Variants in DAGLA observed in about 807,000 individuals in gnomAD.
The protein encoded by DAGLA is diacylglycerol lipase alpha.
A neutral mutation model predicts 102.6 loss-of-function variants in DAGLA; 22 were observed. The observed-to-expected ratio is 0.21, with a 90% CI of 0.15 to 0.31. The LOEUF is 0.31. Among genes scored for constraint, DAGLA ranks in the 10% least tolerant of loss-of-function variants. The probability of loss-of-function intolerance (pLI) is 1.00; values close to 1 mark genes in which losing one functional copy is unlikely to be tolerated. For synonymous variants in DAGLA, 578 were observed against 628.9 expected, an observed-to-expected ratio of 0.92 and a Z score of 1.21; for missense variants, 927 against 1,446.6, an observed-to-expected ratio of 0.64 and a Z score of 5.83.
chr11:61,695,985 C>G (rs198455), intron 1 of DAGLA, among the ~76,000 whole-genome samples: 2,560 of 152,322 alleles, frequency 0.017, 92 homozygotes, highest in African/African-American at 0.059. Context: ...CGCTGATGTT[C>G]AAGGGTGAGG....
At chr11:61,693,034 G>A (rs1482999284) in intron 1 of DAGLA, among the ~76,000 whole-genome samples, 1 of 149,672 alleles carries the variant, frequency 6.7e-6, no homozygotes, top group East Asian at 1.9e-4. Context: ...TTTTTGGTGA[G>A]ATTGAGTCTC....
intron 1 of DAGLA, among the ~76,000 whole-genome samples, chr11:61,694,264 TG>T (rs2065046675): frequency 6.6e-6 from 1 of 152,258 alleles, no homozygotes; most frequent in East Asian, 1.9e-4. Flanking sequence ...CTTCCTTGCC[TG>T]TTTTTTTCTA....
intron 1 of DAGLA, among the ~76,000 whole-genome samples, chr11:61,691,456 C>T (rs895195491): frequency 4.6e-5 from 7 of 152,216 alleles, no homozygotes; most frequent in African/African-American, 2.4e-5. Context: ...CAGCCCAAAT[C>T]GAGCTCCTGG....
At chr11:61,729,877 A>C (rs2065359853) in intron 8 of DAGLA, among the ~76,000 whole-genome samples, 1 of 151,488 alleles carries the variant, frequency 6.6e-6, no homozygotes, top group Admixed American at 6.6e-5. Flanking sequence ...GTTTGAGACC[A>C]GCCTGGGCAA....
At chr11:61,709,828 C>T (rs1565252506) in intron 1 of DAGLA, among the ~76,000 whole-genome samples, 2 of 152,122 alleles carry the variant, frequency 1.3e-5, no homozygotes, top group Admixed American at 6.5e-5. Context: ...CCGAGATGCC[C>T]GGGGTACAGT....
chr11:61,713,088 C>G (rs889872361), intron 1 of DAGLA, among the ~76,000 whole-genome samples: 4 of 152,182 alleles, frequency 2.6e-5, no homozygotes, highest in African/African-American at 9.6e-5. Flanking sequence ...CAGCCTGCTC[C>G]GTGGAATTCC....
chr11:61,685,648 T>C (rs2064981071), intron 1 of DAGLA, among the ~76,000 whole-genome samples: 1 of 152,070 alleles, frequency 6.6e-6, no homozygotes, highest in Non-Finnish European at 1.5e-5. Context: ...TGAGAAGATA[T>C]AGTTAATTTC....
chr11:61,744,726 G>A lies in DAGLA; in HGVS notation c.*237G>A, dbSNP rs937612386. ...GGAAAGATGGGGAAGGGTGTGGAGT[G>A]GGGAGGAGCCTGGGCAGCCTGCTGG... On this transcript the variant is annotated 3_prime_UTR_variant, in exon 20 of 20. Transcript: ENST00000257215. 12 of 487,804 alleles carry A rather than the reference G, an allele frequency of 2.5e-5. No individual in the cohort carries two copies. Among genetic ancestry groups the A allele is most frequent in the Non-Finnish European group, 3.2e-5 (9 of 277,314 alleles). 30.2% of individuals were successfully genotyped at this position (487,804 alleles called of 1,614,324 possible).
At chr11:61,708,879 G>C (rs1591034308) in intron 1 of DAGLA, among the ~76,000 whole-genome samples, 1 of 152,304 alleles carries the variant, frequency 6.6e-6, no homozygotes, top group African/African-American at 2.4e-5. Flanking sequence ...CCGGCAGCAG[G>C]GGCCTTCTGA....
chr11:61,737,273 A>G lies in DAGLA; in HGVS notation c.1463A>G (p.Gln488Arg), dbSNP rs748632193. The G allele has an allele frequency of 3.7e-6, 6 of 1,612,886 alleles. No individual in the cohort carries two copies. The Admixed American group carries it at 8.3e-5, about 22-fold the overall frequency. Reference protein sequence around the residue: ...AAILSFLLRPQYPTLKCFAYS... With the variant: ...AAILSFLLRPRYPTLKCFAYS... ...ATCCTCTCCTTCCTTCTGCGCCCAC[A>G]GTATCCGACCCTCAAGTGCTTTGCC... The change falls in exon 14 of 20, where the codon CAG becomes CGG. Residue 488 changes from glutamine (Q) to arginine (R), a missense_variant. This residue lies in a region of DAGLA where 218 missense variants were observed against 459.6 expected (regional missense o/e 0.47). Transcript: ENST00000257215.
intron 1 of DAGLA, among the ~76,000 whole-genome samples, chr11:61,694,484 C>T (rs905863311): frequency 2.0e-5 from 3 of 152,174 alleles, no homozygotes; most frequent in Non-Finnish European, 2.9e-5. Context: ...AGCAGAGGGC[C>T]GGGGTGCCTG....
chr11:61,716,213 C>T (rs1323960979), intron 1 of DAGLA, among the ~76,000 whole-genome samples: 2 of 152,040 alleles, frequency 1.3e-5, no homozygotes, highest in Non-Finnish European at 2.9e-5. Flanking sequence ...GACTGTTGAG[C>T]TGGGGTGGGG....
intron 9 of DAGLA, among the ~76,000 whole-genome samples, chr11:61,733,804 G>A (rs2013326): frequency 0.18 from 28,020 of 152,234 alleles, 2,917 homozygotes; most frequent in South Asian, 0.31. Context: ...ATGGTGGAGC[G>A]GATGGGCACT....
At chr11:61,681,015 T>C (rs886208512) in intron 1 of DAGLA, among the ~76,000 whole-genome samples, 1 of 152,078 alleles carries the variant, frequency 6.6e-6, no homozygotes. Flanking sequence ...ATTGGTGTTC[T>C]CAGCATGGCT....
intron 1 of DAGLA, among the ~76,000 whole-genome samples, chr11:61,696,588 G>C (rs978129876): frequency 2.0e-5 from 3 of 151,910 alleles, no homozygotes; most frequent in Non-Finnish European, 2.9e-5. Context: ...TGGGCGACCC[G>C]GGGTTGGGGG....
chr11:61,731,413 G>A lies in DAGLA; in HGVS notation c.946G>A (p.Gly316Ser). Residue 316 changes from glycine (G) to serine (S), a missense_variant, in exon 9 of 20, where the codon GGC (glycine) becomes AGC (serine). Coordinates refer to ENST00000257215, the MANE Select transcript of DAGLA (RefSeq NM_006133.3). ...GTACCTGATGCGGAAGCCCGCCTGC[G>A]GCCTCTGCCAACTGGCTCGGTCCTG... Reference protein sequence around the residue: ...PMYLMRKPACGLCQLARSCSC... With the variant: ...PMYLMRKPACSLCQLARSCSC... 3 of 1,613,948 alleles carry A rather than the reference G, an allele frequency of 1.9e-6. No homozygotes were observed. Among genetic ancestry groups the A allele is most frequent in the Non-Finnish European group, 2.5e-6 (3 of 1,180,008 alleles).
intron 4 of DAGLA, 36 bp downstream of exon 4, chr11:61,722,996 C>A: frequency 6.6e-7 from 1 of 1,506,668 alleles, no homozygotes; most frequent in South Asian, 1.1e-5. Flanking sequence ...GCCTCAGCAG[C>A]CCCGGGGGCA....
intron 1 of DAGLA, among the ~76,000 whole-genome samples, chr11:61,695,678 C>T (rs530155067): frequency 6.6e-6 from 1 of 152,344 alleles, no homozygotes; most frequent in South Asian, 2.1e-4. Flanking sequence ...TTCTTGGCTC[C>T]TCTTTGCTCC....
In DAGLA at chr11:61,723,552, C is replaced by T. The variant is rs1243134437; in HGVS notation, c.528C>T (p.Asn176=). 7 of 1,613,912 alleles carry T rather than the reference C, an allele frequency of 4.3e-6. No homozygotes were observed. The highest frequency in any genetic ancestry group is 1.3e-5 in the African/African-American group (1 of 74,920). The change falls in exon 5 of 20, where the codon AAC becomes AAT. Residue 176 remains asparagine (N), a synonymous_variant. Transcript: ENST00000257215. The part of the protein sequence containing the change: ...KLRATKRRQR[N]LRTYNLRHRL... The stretch of plus-strand genomic sequence containing the variant: ...GAGCCACCAAGAGGAGGCAGCGTAA[C>T]CTGCGGACCTACAACCTGCGGTCAG...
Sources: gnomAD v4.1 joint callset for allele counts (sites outside exome capture counted in the v4.1 genomes callset) on GRCh38, gnomAD v4.1.1 for gene constraint, gnomAD v4.1.1 regional missense constraint, MANE v1.5 for transcripts, NCBI Gene and HGNC (gene_info 2026-07-23, HGNC 2026-07-21) for gene names.